The following SH3BGRL2 variants were observed in gnomAD, a reference collection of about 807,000 sequenced individuals.
SH3BGRL2 encodes the protein SH3 domain binding glutamate rich protein like 2.
In SH3BGRL2, 21 loss-of-function variants were observed where a neutral mutation model predicts 14.8. That is an observed-to-expected ratio of 1.42 (90% CI 1.01 to 2.05). The LOEUF is 2.05. SH3BGRL2 is among the 30% of genes most tolerant of loss of function. The pLI is 0.00. For missense variants in SH3BGRL2, 147 were observed against 130.8 expected (o/e 1.12, Z -0.61); for synonymous variants, 50 against 47.8 (o/e 1.05, Z -0.19).
At chr6:79,558,272 G>A in the SH3BGRL2 span, among the ~76,000 whole-genome samples, 1 of 152,108 alleles carries the variant, frequency 6.6e-6, no homozygotes, top group African/African-American at 2.4e-5. Flanking sequence ...TAGGGCACAG[G>A]TCATATATAC....
At chr6:79,692,494 A>C (rs2127738746) in intron 2 of SH3BGRL2, among the ~76,000 whole-genome samples, 1 of 152,314 alleles carries the variant, frequency 6.6e-6, no homozygotes, top group South Asian at 2.1e-4. Context: ...TTCTAGGTCT[A>C]ACATTTAAGT....
the SH3BGRL2 span, among the ~76,000 whole-genome samples, chr6:79,584,718 G>A: frequency 2.6e-5 from 4 of 152,174 alleles, no homozygotes; most frequent in Non-Finnish European, 4.4e-5. Context: ...AAATGAAGAA[G>A]TGGTGAGAGC....
chr6:79,612,129 C>G, the SH3BGRL2 span, among the ~76,000 whole-genome samples: 2 of 152,032 alleles, frequency 1.3e-5, no homozygotes, highest in African/African-American at 2.4e-5. Context: ...AACCTTGTCT[C>G]TAGTAAAAAT....
the SH3BGRL2 span, among the ~76,000 whole-genome samples, chr6:79,595,949 G>A: frequency 6.6e-6 from 1 of 151,998 alleles, no homozygotes; most frequent in East Asian, 1.9e-4. Flanking sequence ...AAAATTATTA[G>A]AACTAATAAT....
At chr6:79,645,068 G>A (rs1369455787) in intron 1 of SH3BGRL2, among the ~76,000 whole-genome samples, 1 of 150,754 alleles carries the variant, frequency 6.6e-6, no homozygotes, top group Non-Finnish European at 1.5e-5. Context: ...GCTGAGGTAG[G>A]AGAATTGCTT....
At chr6:79,575,711 C>T in the SH3BGRL2 span, among the ~76,000 whole-genome samples, 1 of 151,942 alleles carries the variant, frequency 6.6e-6, no homozygotes, top group Admixed American at 6.6e-5. Flanking sequence ...TTTGTTATAT[C>T]CTTTTCCATT....
At chr6:79,660,588 G>T (rs995039483) in intron 1 of SH3BGRL2, among the ~76,000 whole-genome samples, 4 of 152,244 alleles carry the variant, frequency 2.6e-5, no homozygotes, top group East Asian at 3.9e-4. Flanking sequence ...AGGGATATTG[G>T]TCTAAAATTC....
At chr6:79,684,804 C>T (rs545726283) in intron 2 of SH3BGRL2, among the ~76,000 whole-genome samples, 2 of 152,294 alleles carry the variant, frequency 1.3e-5, no homozygotes, top group Non-Finnish European at 2.9e-5. Context: ...AGAAGTTTAT[C>T]TGCATTTGAA....
At position 79,637,941 on chromosome 6, in the gene SH3BGRL2, A is replaced by G. The variant is rs140753711; in HGVS notation, c.45+6435A>G. The stretch of plus-strand genomic sequence containing the variant: ...TTCTGCAAATATTCTTTTACCCATT[A>G]TAAGTAGCATACAAACTATTTTTAT... On this transcript the variant is annotated intron_variant, in intron 1 of 3. Coordinates refer to ENST00000369838, the MANE Select transcript of SH3BGRL2 (RefSeq NM_031469.4). Among the ~76,000 whole-genome samples, 344 of 152,346 alleles carry G rather than the reference A, an allele frequency of 2.3e-3. 2 individuals are homozygous for G. Among genetic ancestry groups the G allele is most frequent in the African/African-American group, 7.5e-3 (311 of 41,578 alleles).
At chr6:79,540,367 G>A in the SH3BGRL2 span, among the ~76,000 whole-genome samples, 254 of 152,068 alleles carry the variant, frequency 1.7e-3, no homozygotes, top group Admixed American at 3.3e-3. Context: ...CCCGGGAGGC[G>A]GAGGTTGCAG....
At chr6:79,612,174 G>C in the SH3BGRL2 span, among the ~76,000 whole-genome samples, 1 of 152,034 alleles carries the variant, frequency 6.6e-6, no homozygotes, top group Admixed American at 6.6e-5. Context: ...GGGTTGGGGG[G>C]CCTGTAATCC....
the SH3BGRL2 span, among the ~76,000 whole-genome samples, chr6:79,621,517 A>G: frequency 6.6e-6 from 1 of 152,184 alleles, no homozygotes; most frequent in Non-Finnish European, 1.5e-5. Flanking sequence ...TACTGTTAGA[A>G]ATAAACTCAT....
chr6:79,580,054 C>T, the SH3BGRL2 span, among the ~76,000 whole-genome samples: 1 of 152,124 alleles, frequency 6.6e-6, no homozygotes, highest in Admixed American at 6.5e-5. Flanking sequence ...ACAAAGAAGG[C>T]CATTACATAA....
chr6:79,555,838 A>C, the SH3BGRL2 span, among the ~76,000 whole-genome samples: 1 of 152,190 alleles, frequency 6.6e-6, no homozygotes, highest in African/African-American at 2.4e-5. Flanking sequence ...AAAATTAATA[A>C]TTATGAAGAA....
At chr6:79,565,728 T>G in the SH3BGRL2 span, among the ~76,000 whole-genome samples, 1 of 152,176 alleles carries the variant, frequency 6.6e-6, no homozygotes, top group Admixed American at 6.6e-5. Context: ...ACGAATACCC[T>G]TTGGGGATAT....
chr6:79,579,289 A>C, the SH3BGRL2 span, among the ~76,000 whole-genome samples: 1 of 152,176 alleles, frequency 6.6e-6, no homozygotes, highest in Admixed American at 6.5e-5. Flanking sequence ...AATTCAGGAA[A>C]TACAGAGAAC....
intron 1 of SH3BGRL2, among the ~76,000 whole-genome samples, chr6:79,640,017 G>T (rs1320566824): frequency 2.0e-5 from 3 of 152,150 alleles, no homozygotes; most frequent in Admixed American, 1.3e-4. Context: ...TCTTTTGAGG[G>T]TCCTCCTTCT....
the SH3BGRL2 span, among the ~76,000 whole-genome samples, chr6:79,577,800 AG>A: frequency 6.6e-6 from 1 of 152,194 alleles, no homozygotes; most frequent in Non-Finnish European, 1.5e-5. Flanking sequence ...ACTGAGGGTG[AG>A]CCGAAGCAGG....
chr6:79,540,981 G>C, the SH3BGRL2 span, among the ~76,000 whole-genome samples: 1 of 152,042 alleles, frequency 6.6e-6, no homozygotes, highest in Non-Finnish European at 1.5e-5. Flanking sequence ...AGCCGGGCAT[G>C]GTGGCTCATG....
Sources: gnomAD v4.1 joint callset for allele counts (sites outside exome capture counted in the v4.1 genomes callset) on GRCh38, gnomAD v4.1.1 for gene constraint, MANE v1.5 for transcripts, NCBI Gene and HGNC (gene_info 2026-07-23, HGNC 2026-07-21) for gene names.